Variants in EPN2 observed in about 807,000 individuals in gnomAD.
The protein encoded by EPN2 is epsin-2.
A neutral mutation model predicts 61.7 loss-of-function variants in EPN2; 34 were observed. The observed-to-expected ratio is 0.55, with a 90% CI of 0.42 to 0.73. EPN2 has a LOEUF of 0.73. EPN2 is among the 30% of genes least tolerant of loss of function. The probability of loss-of-function intolerance (pLI) is 0.00; values close to 1 mark genes in which losing one functional copy is unlikely to be tolerated. For missense variants in EPN2, 714 were observed against 839.2 expected (o/e 0.85, Z 1.84); for synonymous variants, 349 against 353.6 (o/e 0.99, Z 0.15).
intron 4 of EPN2, among the ~76,000 whole-genome samples, chr17:19,300,331 A>G (rs1905420170): frequency 6.6e-6 from 1 of 151,950 alleles, no homozygotes; most frequent in Non-Finnish European, 1.5e-5. Context: ...AAGAATGTGT[A>G]GGATATTTGA....
intron 1 of EPN2, among the ~76,000 whole-genome samples, chr17:19,252,817 G>A (rs966020581): frequency 6.6e-6 from 1 of 152,152 alleles, no homozygotes; most frequent in African/African-American, 2.4e-5. Flanking sequence ...AGCCTCCTGA[G>A]CAGCTGGGGC....
At chr17:19,314,008 T>C (rs1906269131) in intron 7 of EPN2, among the ~76,000 whole-genome samples, 1 of 152,178 alleles carries the variant, frequency 6.6e-6, no homozygotes, top group South Asian at 2.1e-4. Context: ...GTGGGCTGTT[T>C]GGGAACTTTG....
In EPN2 at chr17:19,311,448, C is replaced by A. The variant is rs539625948; in HGVS notation, c.880-604C>A. 5.9e-5 allele frequency among the ~76,000 whole-genome samples: 9 copies of A among 151,838 alleles called. No homozygotes were observed. The East Asian group carries it at 1.7e-3, about 29-fold the overall frequency. On this transcript the variant is annotated intron_variant, in intron 5 of 10. Coordinates refer to ENST00000314728, the MANE Select transcript of EPN2 (RefSeq NM_014964.5). Reference sequence around the variant, plus strand: ...AGCAGCCTGGGTAATACCATGAGACCCTATCTCTTAAAAACAAGAAAAGAA... The same window carrying A: ...AGCAGCCTGGGTAATACCATGAGACACTATCTCTTAAAAACAAGAAAAGAA...
chr17:19,312,422 T>C (rs1268538959), intron 6 of EPN2, among the ~76,000 whole-genome samples: 1 of 152,232 alleles, frequency 6.6e-6, no homozygotes, highest in Non-Finnish European at 1.5e-5. Context: ...CTACGGCAGC[T>C]GTCAAGTGAG....
At chr17:19,244,507 A>C (rs73982647) in intron 1 of EPN2, among the ~76,000 whole-genome samples, 1,646 of 151,896 alleles carry the variant, frequency 0.011, 25 homozygotes, top group African/African-American at 0.036. Context: ...TTGAGGGAGT[A>C]ATGTTGTTGG....
At chr17:19,290,639 C>G (rs544785996) in intron 4 of EPN2, among the ~76,000 whole-genome samples, 19 of 125,178 alleles carry the variant, frequency 1.5e-4, no homozygotes, top group African/African-American at 5.9e-4. Flanking sequence ...TGAGCAAGTC[C>G]CGAGTTGCCT....
intron 1 of EPN2, among the ~76,000 whole-genome samples, chr17:19,245,782 C>T (rs946585205): frequency 1.3e-5 from 2 of 151,954 alleles, no homozygotes; most frequent in African/African-American, 4.8e-5. Context: ...CCTGTCTCAG[C>T]CTCCTGAGTA....
chr17:19,260,719 C>T (rs2045132029), intron 1 of EPN2, among the ~76,000 whole-genome samples: 2 of 151,390 alleles, frequency 1.3e-5, no homozygotes, highest in Non-Finnish European at 2.9e-5. Context: ...AGAAATTTTG[C>T]CCCTCACTCC....
intron 7 of EPN2, among the ~76,000 whole-genome samples, chr17:19,328,039 TTGTG>T (rs892283500): frequency 6.6e-6 from 1 of 152,244 alleles, no homozygotes; most frequent in Non-Finnish European, 1.5e-5. Context: ...TTTAGTTTTT[TTGTG>T]TGTGTTTTTT....
chr17:19,294,847 A>G (rs2045499307), intron 4 of EPN2, among the ~76,000 whole-genome samples: 1 of 152,124 alleles, frequency 6.6e-6, no homozygotes, highest in South Asian at 2.1e-4. Flanking sequence ...TCCCTGTCAG[A>G]TGTTTTAAGT....
In EPN2 at chr17:19,257,610, C is replaced by T. The variant is rs752502548; in HGVS notation, c.-294+20079C>T. On this transcript the variant is annotated intron_variant, in intron 1 of 10. Transcript: ENST00000314728. Reference sequence around the variant, plus strand: ...TTGGCTCACTGCAACTGCCGCCTCCCGGGTTCAAGTGATTCTCCTGCCTCC... The same window carrying T: ...TTGGCTCACTGCAACTGCCGCCTCCTGGGTTCAAGTGATTCTCCTGCCTCC... 7.2e-5 allele frequency among the ~76,000 whole-genome samples: 11 copies of T among 151,916 alleles called. No homozygotes were observed. In the East Asian group the frequency reaches 1.5e-3, roughly 21 times the overall value.
chr17:19,324,681 A>G (rs897334219), intron 7 of EPN2, among the ~76,000 whole-genome samples: 1 of 152,222 alleles, frequency 6.6e-6, no homozygotes, highest in African/African-American at 2.4e-5. Context: ...AAGCAATAGT[A>G]AAATAAATTT....
chr17:19,291,952 C>T (rs535870587), intron 4 of EPN2, among the ~76,000 whole-genome samples: 11 of 152,208 alleles, frequency 7.2e-5, no homozygotes, highest in Admixed American at 4.6e-4. Flanking sequence ...GAAGCATGCG[C>T]ACACACAGAC....
In EPN2 at chr17:19,283,833, T is replaced by G; in HGVS notation, c.595+119T>G. 1 of 740,530 alleles carries G rather than the reference T, an allele frequency of 1.4e-6. No individual in the cohort carries two copies. Among genetic ancestry groups the G allele is most frequent in the Non-Finnish European group, 2.1e-6 (1 of 465,964 alleles). 45.9% of individuals were successfully genotyped at this position (740,530 alleles called of 1,614,324 possible). ...CTGCAGAGCTCGAACCTGTCCTCAG[T>G]ACCCAGCTTTTGGTGGCCCAGGCAA... On this transcript the variant is annotated intron_variant, in intron 3 of 10. Coordinates refer to ENST00000314728, the MANE Select transcript of EPN2 (RefSeq NM_014964.5). This position sits in a 1 kb window ranked among gnomAD's most constrained non-coding sequence, Gnocchi z 7.0.
rs1222337486 is a variant in EPN2, at chr17:19,283,992, G to A, written c.595+278G>A. ...ACATCTGGGCAGACGGTGGGCAGAG[G>A]CAGGTCTTTTCTGCTTCCTTGTCAG... On this transcript the variant is annotated intron_variant, in intron 3 of 10. Coordinates refer to ENST00000314728, the MANE Select transcript of EPN2 (RefSeq NM_014964.5). The surrounding 1 kb of genome is among the most constrained non-coding windows in gnomAD (Gnocchi z 7.0). Among the ~76,000 whole-genome samples, 1 of 152,180 alleles carries A rather than the reference G, an allele frequency of 6.6e-6. No individual in the cohort carries two copies.
intron 7 of EPN2, among the ~76,000 whole-genome samples, chr17:19,317,733 T>G (rs1294572042): frequency 6.6e-6 from 1 of 152,216 alleles, no homozygotes; most frequent in African/African-American, 2.4e-5. Flanking sequence ...GTATGTGGCA[T>G]GGCCTGGACC....
intron 6 of EPN2, among the ~76,000 whole-genome samples, chr17:19,312,705 A>G (rs1411634335): frequency 6.6e-6 from 1 of 152,158 alleles, no homozygotes; most frequent in African/African-American, 2.4e-5. Context: ...ATCCCTGATG[A>G]CACATGGGGT....
At chr17:19,268,542 A>G (rs2045223161) in intron 1 of EPN2, among the ~76,000 whole-genome samples, 1 of 152,204 alleles carries the variant, frequency 6.6e-6, no homozygotes. Context: ...GTACATCTTT[A>G]TAATGACAAA....
intron 1 of EPN2, among the ~76,000 whole-genome samples, chr17:19,245,669 T>A (rs1404472824): frequency 6.6e-6 from 1 of 151,388 alleles, no homozygotes; most frequent in Non-Finnish European, 1.5e-5. Flanking sequence ...TCTCTTTTTT[T>A]TTTTTTTTTA....
Sources: gnomAD v4.1 joint callset for allele counts (sites outside exome capture counted in the v4.1 genomes callset) on GRCh38, gnomAD v4.1.1 for gene constraint, Gnocchi (gnomAD v3.1) non-coding constraint, MANE v1.5 for transcripts, NCBI Gene and HGNC (gene_info 2026-07-23, HGNC 2026-07-21) for gene names.